The following ESF1 variants were observed in gnomAD, a reference collection of about 807,000 sequenced individuals.
The protein encoded by ESF1 is ESF1 homolog.
A neutral mutation model predicts 92.0 loss-of-function variants in ESF1; 58 were observed. The observed-to-expected ratio is 0.63, with a 90% CI of 0.51 to 0.78. ESF1 has a LOEUF of 0.78. Ranked by LOEUF, ESF1 falls within the 30% of genes least tolerant of loss-of-function variation. The pLI, the probability that ESF1 is intolerant of heterozygous loss-of-function variation, is 0.00. For missense variants in ESF1, 922 were observed against 989.1 expected, an observed-to-expected ratio of 0.93 and a Z score of 0.91; for synonymous variants, 321 against 313.7, an observed-to-expected ratio of 1.02 and a Z score of -0.24.
chr20:13,715,195 A>G, intron 13 of ESF1, 28 bp from the exon 14 acceptor site: 1 of 1,466,956 alleles, frequency 6.8e-7, no homozygotes, highest in Middle Eastern at 2.4e-4. Context: ...AAAAAAATTA[A>G]TAAATTAATT....
At chr20:13,715,229 G>C (rs2049816471) in intron 13 of ESF1, 62 bp from the exon 14 acceptor site, 5 of 1,398,762 alleles carry the variant, frequency 3.6e-6, no homozygotes, top group Non-Finnish European at 4.7e-6. Flanking sequence ...AAAGCAAAAG[G>C]CCAGAAATGG....
intron 9 of ESF1, 105 bp from the exon 10 acceptor site, chr20:13,733,947 G>A (rs896826759): frequency 1.5e-6 from 2 of 1,302,292 alleles, no homozygotes; most frequent in African/African-American, 1.5e-5. Flanking sequence ...ATTTAATAGA[G>A]TAACAAAGAT....
At chr20:13,721,503 C>T (rs1247934325) in intron 11 of ESF1, among the ~76,000 whole-genome samples, 1 of 152,118 alleles carries the variant, frequency 6.6e-6, no homozygotes, top group Admixed American at 6.5e-5. Context: ...AAACAATGAC[C>T]TGGATGAAGC....
chr20:13,771,449 T>G lies in ESF1; in HGVS notation c.1285A>C (p.Lys429Gln), dbSNP rs761226556. ...SREKLRDYQF[K>Q]RLKYYYAVVD... ...ACTGCATAATAGTACTTCAGTCGTT[T>G]GAATTGATAATCTCTCAATTTTTCT... Residue 429 changes from lysine (K) to glutamine (Q), a missense_variant, in exon 6 of 14, where the codon AAA (lysine) becomes CAA (glutamine). Transcript: ENST00000617257. 1 of 1,613,290 alleles carries G rather than the reference T, an allele frequency of 6.2e-7. No individual in the cohort carries two copies. The highest frequency in any genetic ancestry group is 8.5e-7 in the Non-Finnish European group (1 of 1,179,538).
chr20:13,776,308 T>C (rs894186955), intron 2 of ESF1, 38 bp from the exon 3 acceptor site: 1 of 1,553,362 alleles, frequency 6.4e-7, no homozygotes, highest in African/African-American at 1.4e-5. Flanking sequence ...TAAGAAAAGA[T>C]ATATGCTGAA....
chr20:13,759,052 T>C (rs184091545), intron 9 of ESF1, among the ~76,000 whole-genome samples: 1 of 152,326 alleles, frequency 6.6e-6, no homozygotes, highest in Admixed American at 6.5e-5. Flanking sequence ...TATATGAATA[T>C]AATCTCTCTT....
At chr20:13,743,928 T>C (rs542244738) in intron 9 of ESF1, among the ~76,000 whole-genome samples, 1 of 152,342 alleles carries the variant, frequency 6.6e-6, no homozygotes, top group Non-Finnish European at 1.5e-5. Flanking sequence ...TAAAAAACTA[T>C]ATACAATGGA....
At chr20:13,747,851 T>C (rs1207834462) in intron 9 of ESF1, among the ~76,000 whole-genome samples, 2 of 152,186 alleles carry the variant, frequency 1.3e-5, no homozygotes, top group East Asian at 1.9e-4. Context: ...AGTATACTTA[T>C]ACAAACCTAG....
At chr20:13,748,407 T>TACACATATATATACATAC (rs1978378229) in intron 9 of ESF1, among the ~76,000 whole-genome samples, 1 of 149,886 alleles carries the variant, frequency 6.7e-6, no homozygotes, top group African/African-American at 2.4e-5. Flanking sequence ...AGGATATATA[T>TACACATATATATACATAC]ACACATATAT....
At chr20:13,782,128 T>C (rs1307863565) in intron 2 of ESF1, among the ~76,000 whole-genome samples, 3 of 152,206 alleles carry the variant, frequency 2.0e-5, no homozygotes, top group East Asian at 1.9e-4. Flanking sequence ...TCTGCCCGCC[T>C]TGGCCTGCCA....
At chr20:13,742,290 G>A (rs373636183) in intron 9 of ESF1, among the ~76,000 whole-genome samples, 3 of 152,120 alleles carry the variant, frequency 2.0e-5, no homozygotes, top group Non-Finnish European at 4.4e-5. Flanking sequence ...GGCCAACATG[G>A]CAAAACCCCG....
intron 9 of ESF1, among the ~76,000 whole-genome samples, chr20:13,749,232 A>ATTTTTTTTTTTTTTTTTTTT (rs71188184): frequency 2.2e-5 from 2 of 89,664 alleles, no homozygotes; most frequent in African/African-American, 4.2e-5. Context: ...TGCCCGGCTA[A>ATTTTTTTTTTTTTTTTTTTT]TTTTTTTTTT....
chr20:13,772,931 G>A (rs1162975701), intron 4 of ESF1, among the ~76,000 whole-genome samples: 1 of 152,050 alleles, frequency 6.6e-6, no homozygotes, highest in Non-Finnish European at 1.5e-5. Context: ...CTAAGCTCAA[G>A]GAAATGTGAA....
intron 11 of ESF1, among the ~76,000 whole-genome samples, chr20:13,721,587 T>C (rs1031114504): frequency 2.6e-5 from 4 of 152,126 alleles, no homozygotes; most frequent in African/African-American, 7.2e-5. Flanking sequence ...GGTTGAAGAA[T>C]TGCAGCTAAT....
intron 7 of ESF1, among the ~76,000 whole-genome samples, chr20:13,767,896 A>G (rs1281180529): frequency 6.6e-6 from 1 of 152,180 alleles, no homozygotes; most frequent in African/African-American, 2.4e-5. Flanking sequence ...CTGTCTCAGA[A>G]ATTCCAGCTA....
rs1285382666 is a variant in ESF1, at chr20:13,717,643, T to C, written c.2116-129A>G. 4.2e-6 allele frequency: 4 copies of C among 957,992 alleles called. No homozygotes were observed. The East Asian group carries it at 7.6e-5, about 18-fold the overall frequency. The allele number at this position is 957,992 out of a possible 1,614,324, so 59.3% of individuals were successfully genotyped here. Reference sequence around the variant, plus strand: ...ATCACTAGAACTCTGGGGTACCACCTGTTGTCTGTAAACTGACTGTGGATT... The same window carrying C: ...ATCACTAGAACTCTGGGGTACCACCCGTTGTCTGTAAACTGACTGTGGATT... On this transcript the variant is annotated intron_variant, in intron 12 of 13. Coordinates refer to ENST00000617257, the MANE Select transcript of ESF1 (RefSeq NM_001276380.2).
At chr20:13,763,131 G>C (rs997391252) in intron 8 of ESF1, among the ~76,000 whole-genome samples, 4 of 152,254 alleles carry the variant, frequency 2.6e-5, no homozygotes, top group Middle Eastern at 6.8e-3. Flanking sequence ...AAAGTGCTGG[G>C]ATTACAGGCG....
chr20:13,719,904 C>T (rs1261439567), intron 11 of ESF1, among the ~76,000 whole-genome samples: 1 of 152,180 alleles, frequency 6.6e-6, no homozygotes, highest in Non-Finnish European at 1.5e-5. Flanking sequence ...AACGCTTTCT[C>T]CTTCTCTGAA....
At chr20:13,758,904 G>A (rs1196036963) in intron 9 of ESF1, among the ~76,000 whole-genome samples, 1 of 152,128 alleles carries the variant, frequency 6.6e-6, no homozygotes, top group Non-Finnish European at 1.5e-5. Flanking sequence ...CTGAAATCAT[G>A]GATAGTACTG....
Sources: allele counts gnomAD v4.1 joint callset (sites outside exome capture counted in the v4.1 genomes callset), GRCh38; gene constraint gnomAD v4.1.1; transcripts MANE v1.5; gene names NCBI Gene and HGNC (gene_info 2026-07-23, HGNC 2026-07-21).